SEPTIN2: variants seen among roughly 807,000 people sequenced by gnomAD.
SEPTIN2 encodes septin 2, also known as septin-2.
In SEPTIN2, 34 loss-of-function variants were observed where a neutral mutation model predicts 46.5. That is an observed-to-expected ratio of 0.73 (90% CI 0.56 to 0.97). SEPTIN2 has a LOEUF of 0.97. Ranked by LOEUF, SEPTIN2 falls within the 50% of genes least tolerant of loss-of-function variation. The probability of loss-of-function intolerance (pLI) is 0.00; values close to 1 mark genes in which losing one functional copy is unlikely to be tolerated. For synonymous variants in SEPTIN2, 175 were observed against 153.4 expected, an observed-to-expected ratio of 1.14 and a Z score of -1.04; for missense variants, 347 against 448.4, an observed-to-expected ratio of 0.77 and a Z score of 2.04.
chr2:241,323,973 A>G (rs546357965), intron 1 of SEPTIN2, among the ~76,000 whole-genome samples: 1 of 152,346 alleles, frequency 6.6e-6, no homozygotes, highest in Admixed American at 6.5e-5. Context: ...TGGTTAATAT[A>G]TACATCTAAA....
chr2:241,328,590 A>G (rs1313790174), intron 3 of SEPTIN2, among the ~76,000 whole-genome samples: 2 of 149,788 alleles, frequency 1.3e-5, no homozygotes, highest in African/African-American at 2.5e-5. Flanking sequence ...AAAAAATACT[A>G]AATTAGCTGG....
chr2:241,329,567 C>T (rs1378386736), intron 3 of SEPTIN2, among the ~76,000 whole-genome samples: 1 of 152,144 alleles, frequency 6.6e-6, no homozygotes, highest in Admixed American at 6.5e-5. Context: ...AGTACTTGAA[C>T]ATAAATTCAG....
At chr2:241,334,225 C>G (rs977279905) in intron 3 of SEPTIN2, among the ~76,000 whole-genome samples, 4 of 152,082 alleles carry the variant, frequency 2.6e-5, no homozygotes, top group African/African-American at 9.7e-5. Context: ...CTTTGCAGAA[C>G]TTAACAGAGG....
At chr2:241,317,695 C>T (rs766935823) in intron 1 of SEPTIN2, 15 of 303,088 alleles carry the variant, frequency 4.9e-5, no homozygotes, top group Non-Finnish European at 7.3e-5. Context: ...GTATACTGAA[C>T]GTGGACCTTC....
At chr2:241,341,717 C>T (rs1355514245) in intron 7 of SEPTIN2, among the ~76,000 whole-genome samples, 1 of 152,164 alleles carries the variant, frequency 6.6e-6, no homozygotes, top group Non-Finnish European at 1.5e-5. Context: ...ATTCAAGGCC[C>T]TTTTTAGGTC....
chr2:241,315,909 C>T (rs970013054), upstream of SEPTIN2: 1 of 151,860 alleles, frequency 6.6e-6, no homozygotes. Context: ...CTGGGGCGGG[C>T]TGTGAGCGGA....
intron 3 of SEPTIN2, among the ~76,000 whole-genome samples, chr2:241,331,426 T>C (rs774915008): frequency 4.6e-5 from 7 of 152,232 alleles, no homozygotes; most frequent in Non-Finnish European, 1.0e-4. Context: ...TGAGACAGTC[T>C]TGCTCTGTCA....
chr2:241,338,886 ATATATAT>A (rs1381888787), intron 7 of SEPTIN2, among the ~76,000 whole-genome samples: 3 of 75,476 alleles, frequency 4.0e-5, no homozygotes, highest in Non-Finnish European at 7.0e-5. Context: ...TATATCTATA[ATATATAT>A]TATATATATT....
intron 5 of SEPTIN2, chr2:241,336,976 C>G (rs906410211): frequency 1.3e-5 from 2 of 156,284 alleles, no homozygotes; most frequent in African/African-American, 4.8e-5. Flanking sequence ...TGCCTATAAT[C>G]CCAGCTACTT....
chr2:241,320,345 G>T (rs2076957371), intron 1 of SEPTIN2: 1 of 470,392 alleles, frequency 2.1e-6, no homozygotes, highest in Non-Finnish European at 4.4e-6. Context: ...TCCAGTTTTT[G>T]GTTCTGTATT....
Position 241,353,794 on chromosome 2 carries a change from C to A in SEPTIN2, c.*1857C>A, listed in dbSNP as rs3755394. Reference sequence around the variant, plus strand: ...GAGTGAAAGTACTTCAGGCACGCTGCCTCCTGGTAACAGCTATGCAGGGAG... The same window carrying A: ...GAGTGAAAGTACTTCAGGCACGCTGACTCCTGGTAACAGCTATGCAGGGAG... On this transcript the variant is annotated 3_prime_UTR_variant, in exon 13 of 13. Transcript: ENST00000391971. The A allele has an allele frequency of 0.013, 1,956 of 153,492 alleles. 161 individuals are homozygous for A. The East Asian group carries it at 0.17, about 13-fold the overall frequency. The allele number at this position is 153,492 out of a possible 1,614,324, so 9.5% of individuals were successfully genotyped here. A position where few individuals can be genotyped will look rare whatever the true frequency, so the allele number is the denominator to read the frequency against.
chr2:241,337,843 G>A, intron 7 of SEPTIN2, 53 bp downstream of exon 7: 1 of 1,289,244 alleles, frequency 7.8e-7, no homozygotes, highest in East Asian at 2.3e-5. Flanking sequence ...GGGGGCATGG[G>A]GATGAAGAAA....
chr2:241,339,021 T>C (rs1353125079), intron 7 of SEPTIN2, among the ~76,000 whole-genome samples: 1 of 117,308 alleles, frequency 8.5e-6, no homozygotes, highest in Non-Finnish European at 1.7e-5. Context: ...ATTTATACAT[T>C]ATATTTATAT....
At chr2:241,348,641 T>A (rs2060495081) in intron 11 of SEPTIN2, among the ~76,000 whole-genome samples, 1 of 152,144 alleles carries the variant, frequency 6.6e-6, no homozygotes, top group Admixed American at 6.5e-5. Context: ...AGGATACATA[T>A]AACTACTTTA....
At chr2:241,348,609 T>G (rs1180855049) in intron 11 of SEPTIN2, among the ~76,000 whole-genome samples, 2 of 149,354 alleles carry the variant, frequency 1.3e-5, no homozygotes, top group African/African-American at 2.5e-5. Context: ...AAGTTTATAG[T>G]TTTTTTTTTA....
chr2:241,316,614 G>T lies in SEPTIN2; in HGVS notation c.-18+632G>T, dbSNP rs2076316614. On this transcript the variant is annotated intron_variant, in intron 1 of 12. Transcript: ENST00000391971. ...TTGGAGGCCGCCGAGTTGGCCCGGGGATGAGGAGCAAACCTGTGGCTTCCG... is the reference window on the plus strand; with the variant it reads ...TTGGAGGCCGCCGAGTTGGCCCGGGTATGAGGAGCAAACCTGTGGCTTCCG... 10 of 1,278,624 alleles carry T rather than the reference G, an allele frequency of 7.8e-6. 1 individual carries two copies. In the South Asian group the frequency reaches 1.5e-4, roughly 20 times the overall value. The allele number at this position is 1,278,624 out of a possible 1,614,324, so 79.2% of individuals were successfully genotyped here.
At chr2:241,324,304 G>T in intron 2 of SEPTIN2, 63 bp downstream of exon 2, 1 of 1,283,466 alleles carries the variant, frequency 7.8e-7, no homozygotes, top group South Asian at 1.3e-5. Context: ...TCAGACTGTT[G>T]ACAGTCGGGA....
At chr2:241,331,842 CAG>C (rs2079061491) in intron 3 of SEPTIN2, among the ~76,000 whole-genome samples, 1 of 152,172 alleles carries the variant, frequency 6.6e-6, no homozygotes, top group African/African-American at 2.4e-5. Flanking sequence ...GTAATCAAGA[CAG>C]TGTGGTAAGG....
intron 1 of SEPTIN2, among the ~76,000 whole-genome samples, chr2:241,321,557 A>G (rs1022056154): frequency 6.7e-6 from 1 of 150,038 alleles, no homozygotes; most frequent in African/African-American, 2.4e-5. Flanking sequence ...TTATAGCTGG[A>G]CGGTTTGTTG....
Sources: allele counts gnomAD v4.1 joint callset (sites outside exome capture counted in the v4.1 genomes callset), GRCh38; gene constraint gnomAD v4.1.1; transcripts MANE v1.5; gene names NCBI Gene and HGNC (gene_info 2026-07-23, HGNC 2026-07-21).